TRPM3: variants seen among roughly 807,000 people sequenced by gnomAD.
The protein encoded by TRPM3 is long transient receptor potential channel 3.
TRPM3 carries 77 observed loss-of-function variants against 181.2 expected under a neutral mutation model. That is an observed-to-expected ratio of 0.42 (90% CI 0.35 to 0.51). The LOEUF (loss-of-function observed/expected upper bound fraction) is 0.51. Ranked by LOEUF, TRPM3 falls within the 20% of genes least tolerant of loss-of-function variation. TRPM3 has a pLI of 0.01. For synonymous variants in TRPM3, 745 were observed against 796.4 expected, an observed-to-expected ratio of 0.94 and a Z score of 1.09; for missense variants, 1,759 against 2,196.7, an observed-to-expected ratio of 0.80 and a Z score of 3.98.
intron 1 of TRPM3, among the ~76,000 whole-genome samples, chr9:71,195,045 C>T (rs1433261019): frequency 2.0e-5 from 3 of 151,898 alleles, no homozygotes; most frequent in South Asian, 4.2e-4. Flanking sequence ...TAAAGAATAT[C>T]GTTTTAACCC....
chr9:71,136,840 G>A (rs539683935), intron 1 of TRPM3, among the ~76,000 whole-genome samples: 6 of 152,184 alleles, frequency 3.9e-5, no homozygotes, highest in Non-Finnish European at 8.8e-5. Context: ...GGCCCATGGC[G>A]CACTTTGAAG....
intron 1 of TRPM3, among the ~76,000 whole-genome samples, chr9:71,183,331 G>A (rs1214856373): frequency 6.6e-6 from 1 of 152,132 alleles, no homozygotes; most frequent in Non-Finnish European, 1.5e-5. Context: ...GAGGAACAGA[G>A]AAGAAAACAT....
chr9:70,942,160 C>A (rs978382666), intron 1 of TRPM3, among the ~76,000 whole-genome samples: 1 of 152,156 alleles, frequency 6.6e-6, no homozygotes, highest in Non-Finnish European at 1.5e-5. Flanking sequence ...AGAAACAGGG[C>A]TTTAAAAAGT....
At chr9:71,299,327 T>G (rs1018377603) in intron 1 of TRPM3, among the ~76,000 whole-genome samples, 1 of 152,214 alleles carries the variant, frequency 6.6e-6, no homozygotes, top group African/African-American at 2.4e-5. Flanking sequence ...AAGACTTAAC[T>G]CTGTGCCCAG....
intron 3 of TRPM3, among the ~76,000 whole-genome samples, chr9:70,847,655 GA>G: frequency 6.9e-6 from 1 of 144,492 alleles, no homozygotes; most frequent in East Asian, 2.0e-4. Context: ...GTATAAGAAA[GA>G]AAAAAATTAA....
intron 1 of TRPM3, among the ~76,000 whole-genome samples, chr9:71,170,397 T>C (rs1163173590): frequency 6.6e-6 from 1 of 152,202 alleles, no homozygotes; most frequent in Non-Finnish European, 1.5e-5. Flanking sequence ...CACTGTGGAT[T>C]AAGCTTAGGT....
At chr9:70,812,279 G>C (rs1322877324) in intron 6 of TRPM3, among the ~76,000 whole-genome samples, 2 of 152,232 alleles carry the variant, frequency 1.3e-5, no homozygotes, top group African/African-American at 4.8e-5. Context: ...GAGTTTGGCA[G>C]CTGGTAGCTG....
At chr9:70,925,670 T>A (rs1037750633) in intron 1 of TRPM3, among the ~76,000 whole-genome samples, 2 of 152,024 alleles carry the variant, frequency 1.3e-5, no homozygotes, top group African/African-American at 4.8e-5. Context: ...CTATAGGCAA[T>A]CTTTATATAT....
rs536479391 is a variant in TRPM3, at chr9:71,069,106, T to C, written c.177+52072A>G. On this transcript the variant is annotated intron_variant, in intron 1 of 25. Transcript: ENST00000677713. ...TACTGCAGAAAAACATATAGTTCTA[T>C]GAAAGAATGAGGAAGCTGCCTATGT... 1.1e-4 allele frequency among the ~76,000 whole-genome samples: 16 copies of C among 152,310 alleles called. No homozygotes were observed. The South Asian group carries it at 3.3e-3, about 32-fold the overall frequency.
chr9:70,676,223 C>T (rs915243628), intron 9 of TRPM3, among the ~76,000 whole-genome samples: 4 of 152,206 alleles, frequency 2.6e-5, no homozygotes, highest in African/African-American at 9.6e-5. Context: ...CCAAAGAACA[C>T]AAATTTCTCA....
At chr9:70,664,480 C>T (rs2061539120) in intron 9 of TRPM3, among the ~76,000 whole-genome samples, 1 of 152,054 alleles carries the variant, frequency 6.6e-6, no homozygotes, top group Non-Finnish European at 1.5e-5. Flanking sequence ...GTGCAAGAGT[C>T]TTAATCTAGA....
At chr9:71,283,318 T>G (rs1055233539) in intron 1 of TRPM3, among the ~76,000 whole-genome samples, 2 of 152,196 alleles carry the variant, frequency 1.3e-5, no homozygotes, top group Admixed American at 6.5e-5. Context: ...TCTTTCTTTT[T>G]GGAGACAGAG....
intron 1 of TRPM3, among the ~76,000 whole-genome samples, chr9:71,369,487 G>C (rs558370446): frequency 1.3e-5 from 2 of 152,160 alleles, no homozygotes; most frequent in Admixed American, 6.5e-5. Flanking sequence ...AGGCTGAAGG[G>C]AACTTCTGAT....
At chr9:71,264,303 A>G (rs1366198409) in intron 1 of TRPM3, among the ~76,000 whole-genome samples, 20 of 152,174 alleles carry the variant, frequency 1.3e-4, no homozygotes, top group Non-Finnish European at 2.9e-5. Flanking sequence ...GAATTCATTC[A>G]TATTGACAAA....
chr9:70,678,163 C>G (rs1247441990), intron 9 of TRPM3, among the ~76,000 whole-genome samples: 1 of 152,184 alleles, frequency 6.6e-6, no homozygotes, highest in African/African-American at 2.4e-5. Context: ...ATGTGAAAGA[C>G]AAATGTGACA....
intron 1 of TRPM3, among the ~76,000 whole-genome samples, chr9:71,026,338 C>T (rs2056489765): frequency 6.6e-6 from 1 of 152,152 alleles, no homozygotes; most frequent in South Asian, 2.1e-4. Context: ...AGTGCAGCCA[C>T]CTGGTACCTC....
intron 3 of TRPM3, among the ~76,000 whole-genome samples, chr9:70,849,460 A>C (rs1447626319): frequency 6.6e-6 from 1 of 152,164 alleles, no homozygotes; most frequent in Non-Finnish European, 1.5e-5. Context: ...GAAGTTTTAA[A>C]ATATATATAG....
intron 1 of TRPM3, among the ~76,000 whole-genome samples, chr9:70,889,418 C>A (rs915656774): frequency 6.6e-5 from 10 of 152,142 alleles, no homozygotes; most frequent in African/African-American, 2.4e-4. Context: ...AGGTCCCCGC[C>A]AACCCCACCT....
intron 1 of TRPM3, among the ~76,000 whole-genome samples, chr9:71,163,672 G>A (rs1371814598): frequency 1.3e-5 from 2 of 152,106 alleles, no homozygotes; most frequent in East Asian, 1.9e-4. Context: ...AGCCATGGGC[G>A]AGGATAAGCA....
Sources: allele counts gnomAD v4.1 joint callset (sites outside exome capture counted in the v4.1 genomes callset), GRCh38; gene constraint gnomAD v4.1.1; transcripts MANE v1.5; gene names NCBI Gene and HGNC (gene_info 2026-07-23, HGNC 2026-07-21).